MAP4K3: variants seen among roughly 807,000 people sequenced by gnomAD.
The protein encoded by MAP4K3 is MAPK/ERK kinase kinase kinase 3.
In MAP4K3, 94 loss-of-function variants were observed where a neutral mutation model predicts 143.5. The observed-to-expected ratio is 0.65, with a 90% CI of 0.55 to 0.78. MAP4K3 has a LOEUF of 0.78. MAP4K3 is among the 30% of genes least tolerant of loss of function. The pLI, the probability that MAP4K3 is intolerant of heterozygous loss-of-function variation, is 0.00. For missense variants in MAP4K3, 1,077 were observed against 1,068.1 expected (o/e 1.01, Z -0.12); for synonymous variants, 416 against 347.2 (o/e 1.20, Z -2.20).
chr2:39,364,728 C>T (rs1031879319), intron 2 of MAP4K3, among the ~76,000 whole-genome samples: 35 of 152,110 alleles, frequency 2.3e-4, no homozygotes, highest in Non-Finnish European at 2.9e-4. Flanking sequence ...ATTAGCCAGG[C>T]GTGATGGCAT....
chr2:39,273,496 C>T (rs1175899444), intron 24 of MAP4K3, among the ~76,000 whole-genome samples: 3 of 150,956 alleles, frequency 2.0e-5, no homozygotes, highest in African/African-American at 4.8e-5. Context: ...CTAAGTTACT[C>T]CAAAACTAAT....
At chr2:39,254,568 A>C in intron 31 of MAP4K3, 48 bp from the exon 32 acceptor site, 1 of 1,399,500 alleles carries the variant, frequency 7.1e-7, no homozygotes, top group Non-Finnish European at 1.0e-6. Flanking sequence ...CAAAAGTTCA[A>C]CTGATAAGCA....
chr2:39,281,445 G>A (rs1681523393), intron 22 of MAP4K3, among the ~76,000 whole-genome samples: 1 of 152,186 alleles, frequency 6.6e-6, no homozygotes. Context: ...ATAGAAACAT[G>A]TCTTTAGGAT....
At chr2:39,297,910 C>A (rs1338902013) in intron 16 of MAP4K3, among the ~76,000 whole-genome samples, 1 of 151,958 alleles carries the variant, frequency 6.6e-6, no homozygotes, top group Non-Finnish European at 1.5e-5. Flanking sequence ...TTTTACCTAG[C>A]CAAAATAACT....
chr2:39,392,995 T>C (rs997655528), intron 1 of MAP4K3, among the ~76,000 whole-genome samples: 2 of 152,230 alleles, frequency 1.3e-5, no homozygotes, highest in Non-Finnish European at 2.9e-5. Context: ...CAGGTGTCCA[T>C]AAGGTTAAGA....
chr2:39,254,725 C>G (rs913277518), intron 31 of MAP4K3, among the ~76,000 whole-genome samples: 1 of 152,024 alleles, frequency 6.6e-6, no homozygotes, highest in Non-Finnish European at 1.5e-5. Context: ...AAAAATTCAC[C>G]GAAAATATTT....
intron 2 of MAP4K3, among the ~76,000 whole-genome samples, chr2:39,359,911 C>T (rs1003942754): frequency 2.6e-5 from 4 of 152,246 alleles, no homozygotes; most frequent in Non-Finnish European, 4.4e-5. Flanking sequence ...CCTCCTAAGC[C>T]TCCAGGGCTG....
At chr2:39,363,449 C>T (rs1384333546) in intron 2 of MAP4K3, among the ~76,000 whole-genome samples, 1 of 152,150 alleles carries the variant, frequency 6.6e-6, no homozygotes. Context: ...GGGTGGATCA[C>T]CTGAGGTCAG....
intron 1 of MAP4K3, among the ~76,000 whole-genome samples, chr2:39,406,969 A>C (rs912512513): frequency 6.6e-6 from 1 of 152,230 alleles, no homozygotes; most frequent in African/African-American, 2.4e-5. Flanking sequence ...ATACCTCATG[A>C]ACATAAAAAA....
intron 16 of MAP4K3, among the ~76,000 whole-genome samples, chr2:39,297,930 G>A (rs962329776): frequency 6.6e-6 from 1 of 151,964 alleles, no homozygotes; most frequent in African/African-American, 2.4e-5. Context: ...TATACACTAC[G>A]AAAATGTCTA....
At chr2:39,436,305 A>C (rs1665473892) in intron 1 of MAP4K3, among the ~76,000 whole-genome samples, 1 of 151,804 alleles carries the variant, frequency 6.6e-6, no homozygotes, top group African/African-American at 2.4e-5. Flanking sequence ...AGAGAAAACA[A>C]AGTTGCTCTT....
intron 24 of MAP4K3, among the ~76,000 whole-genome samples, chr2:39,273,558 T>A (rs1020606959): frequency 5.9e-5 from 9 of 151,986 alleles, no homozygotes; most frequent in African/African-American, 1.9e-4. Flanking sequence ...ATGAAACACA[T>A]CAAGGCCTCT....
At chr2:39,295,715 G>GT (rs56299783) in intron 16 of MAP4K3, among the ~76,000 whole-genome samples, 8,664 of 98,566 alleles carry the variant, frequency 0.088, 1,108 homozygotes, top group African/African-American at 0.26. Context: ...CGCATTCCAT[G>GT]TTTTTTTTTT....
At chr2:39,403,643 C>G (rs1472057618) in intron 1 of MAP4K3, among the ~76,000 whole-genome samples, 1 of 152,006 alleles carries the variant, frequency 6.6e-6, no homozygotes, top group Admixed American at 6.6e-5. Context: ...CTCAATAAAC[C>G]TGAAAGGCAG....
intron 12 of MAP4K3, among the ~76,000 whole-genome samples, chr2:39,317,483 G>C (rs1253770272): frequency 6.6e-6 from 1 of 151,936 alleles, no homozygotes; most frequent in Admixed American, 6.6e-5. Context: ...ACAACCCACA[G>C]AATAGGAGAA....
rs1162623973 is a variant in MAP4K3, at chr2:39,325,935, T to C, written c.689A>G (p.Asn230Ser). Residue 230 changes from asparagine to serine, a missense_variant, in exon 10 of 34, where the codon AAT (asparagine) becomes AGT (serine). This residue lies in a region of MAP4K3 where 864 missense variants were observed against 801.2 expected (regional missense o/e 1.08). Coordinates refer to ENST00000263881, the MANE Select transcript of MAP4K3 (RefSeq NM_003618.4). ...MRALFLMTKS[N>S]FQPPKLKDKM... ...ATCCTTTAGTTTAGGAGGCTGAAAA[T>C]TGCTTTTTGTCATTAGAAATAATGC... The C allele has an allele frequency of 4.4e-6, 7 of 1,594,888 alleles. No homozygotes were observed. Among genetic ancestry groups the C allele is most frequent in the African/African-American group, 4.0e-5 (3 of 74,356 alleles).
At chr2:39,305,915 C>T (rs140181477) in intron 15 of MAP4K3, among the ~76,000 whole-genome samples, 1,913 of 152,028 alleles carry the variant, frequency 0.013, 38 homozygotes, top group African/African-American at 0.042. Context: ...CTGCAACCTC[C>T]GCCTCCCAGG....
chr2:39,410,103 G>C (rs1185476826), intron 1 of MAP4K3, among the ~76,000 whole-genome samples: 1 of 152,160 alleles, frequency 6.6e-6, no homozygotes, highest in African/African-American at 2.4e-5. Context: ...AGTAACTTTG[G>C]TTAATCTCTT....
At chr2:39,407,276 GCCTAAATAGTATCTT>G (rs1667122170) in intron 1 of MAP4K3, among the ~76,000 whole-genome samples, 1 of 151,526 alleles carries the variant, frequency 6.6e-6, no homozygotes, top group South Asian at 2.1e-4. Flanking sequence ...AATGGTGAAA[GCCTAAATAGTATCTT>G]CCTAAGAGCA....
Sources: gnomAD v4.1 joint callset for allele counts (sites outside exome capture counted in the v4.1 genomes callset) on GRCh38, gnomAD v4.1.1 for gene constraint, gnomAD v4.1.1 regional missense constraint, MANE v1.5 for transcripts, NCBI Gene and HGNC (gene_info 2026-07-23, HGNC 2026-07-21) for gene names.